NCAM2: variants seen among roughly 807,000 people sequenced by gnomAD.
The protein encoded by NCAM2 is neural cell adhesion molecule 2.
Under a neutral mutation model 98.1 loss-of-function variants are expected in NCAM2, and 30 were observed. That is an observed-to-expected ratio of 0.31 (90% CI 0.23 to 0.41). The LOEUF (loss-of-function observed/expected upper bound fraction) is 0.41. NCAM2 is among the 10% of genes least tolerant of loss of function. NCAM2 has a pLI of 1.00. For synonymous variants in NCAM2, 368 were observed against 342.4 expected, an observed-to-expected ratio of 1.07 and a Z score of -0.83; for missense variants, 867 against 1,005.8, an observed-to-expected ratio of 0.86 and a Z score of 1.87.
At chr21:21,298,757 G>A (rs899231046) in intron 5 of NCAM2, among the ~76,000 whole-genome samples, 3 of 151,488 alleles carry the variant, frequency 2.0e-5, no homozygotes, top group African/African-American at 7.3e-5. Context: ...CTTTTACTCA[G>A]ATTTTCTAAG....
At chr21:21,307,136 G>T (rs1355388845) in intron 5 of NCAM2, among the ~76,000 whole-genome samples, 1 of 152,022 alleles carries the variant, frequency 6.6e-6, no homozygotes, top group East Asian at 1.9e-4. Context: ...TATTACTGAT[G>T]TAATTGGGTT....
At chr21:21,250,325 A>G (rs944393985) in intron 1 of NCAM2, among the ~76,000 whole-genome samples, 2 of 152,216 alleles carry the variant, frequency 1.3e-5, no homozygotes, top group Admixed American at 6.5e-5. Context: ...TACTTTACCT[A>G]TGAGTTTAAT....
At chr21:21,108,196 T>C (rs1164168870) in intron 1 of NCAM2, among the ~76,000 whole-genome samples, 4 of 152,084 alleles carry the variant, frequency 2.6e-5, no homozygotes, top group African/African-American at 9.6e-5. Context: ...TAACTAAATA[T>C]TTGAAAAATG....
chr21:21,181,790 ACAATATTTATCACCAT>A (rs538706780), intron 1 of NCAM2, among the ~76,000 whole-genome samples: 237 of 151,884 alleles, frequency 1.6e-3, no homozygotes, highest in African/African-American at 5.4e-3. Context: ...TTTTTCCTGC[ACAATATTTATCACCAT>A]CAGACAGATC....
intron 1 of NCAM2, among the ~76,000 whole-genome samples, chr21:21,000,840 T>G: frequency 6.6e-6 from 1 of 152,206 alleles, no homozygotes; most frequent in Non-Finnish European, 1.5e-5. Context: ...TAGTGTTTTG[T>G]TCTCTAATTA....
At chr21:21,490,532 A>G (rs185040628) in intron 15 of NCAM2, among the ~76,000 whole-genome samples, 30 of 152,076 alleles carry the variant, frequency 2.0e-4, no homozygotes, top group Admixed American at 1.8e-3. Context: ...AATGCATAAT[A>G]ATGAGACACA....
At chr21:21,209,764 G>A (rs889778679) in intron 1 of NCAM2, among the ~76,000 whole-genome samples, 1 of 152,186 alleles carries the variant, frequency 6.6e-6, no homozygotes, top group Non-Finnish European at 1.5e-5. Context: ...TACAATGGCT[G>A]AGTAGTGTCC....
intron 9 of NCAM2, among the ~76,000 whole-genome samples, chr21:21,405,919 G>T (rs1282032592): frequency 6.6e-6 from 1 of 152,074 alleles, no homozygotes; most frequent in Non-Finnish European, 1.5e-5. Flanking sequence ...TAAATTAACT[G>T]TAGCTTTTTA....
chr21:21,404,716 T>A (rs1183067914), intron 9 of NCAM2, among the ~76,000 whole-genome samples: 1 of 151,808 alleles, frequency 6.6e-6, no homozygotes, highest in Non-Finnish European at 1.5e-5. Flanking sequence ...ATATATGCCA[T>A]TAAATGTATA....
chr21:21,333,933 T>C (rs951115687), intron 6 of NCAM2, among the ~76,000 whole-genome samples: 4 of 152,032 alleles, frequency 2.6e-5, no homozygotes, highest in African/African-American at 9.7e-5. Context: ...CAAAAATATA[T>C]ATAAAAGATA....
intron 1 of NCAM2, among the ~76,000 whole-genome samples, chr21:21,129,677 G>A (rs898023305): frequency 3.3e-5 from 5 of 152,040 alleles, no homozygotes; most frequent in East Asian, 1.9e-4. Context: ...GCTCACTGTC[G>A]CCTCTTTTGT....
intron 9 of NCAM2, among the ~76,000 whole-genome samples, chr21:21,386,419 T>C (rs113078861): frequency 0.017 from 2,574 of 152,288 alleles, 32 homozygotes; most frequent in Non-Finnish European, 0.026. Context: ...AGAAGATGGC[T>C]CATTTGCAGA....
At chr21:21,355,560 AGAAGGAAG>A (rs576381683) in intron 8 of NCAM2, among the ~76,000 whole-genome samples, 3 of 149,936 alleles carry the variant, frequency 2.0e-5, no homozygotes, top group Admixed American at 6.7e-5. Flanking sequence ...GACGGAGGAA[AGAAGGAAG>A]GAAGGAAGGA....
rs752343419 is a variant in NCAM2 at position 21,460,157 on chromosome 21, G to A, written c.1655-6449G>A. On this transcript the variant is annotated intron_variant, in intron 12 of 17. Coordinates refer to ENST00000400546, the MANE Select transcript of NCAM2 (RefSeq NM_004540.5). ...TTTCTTATTTATCATTTTTATTTTT[G>A]TTTGTATTGAATGTTTTATTGGGAG... is the stretch of plus-strand genomic sequence containing the variant. 2.3e-3 allele frequency among the ~76,000 whole-genome samples: 344 copies of A among 151,708 alleles called. 2 individuals are homozygous for A. The highest frequency in any genetic ancestry group is 3.3e-3 in the Non-Finnish European group (221 of 67,778).
At chr21:21,172,865 A>G (rs1483238331) in intron 1 of NCAM2, among the ~76,000 whole-genome samples, 2 of 152,180 alleles carry the variant, frequency 1.3e-5, no homozygotes, top group Admixed American at 6.5e-5. Context: ...TTCCAAATGT[A>G]TATTTTATAA....
chr21:21,055,469 T>C (rs1356900848), intron 1 of NCAM2, among the ~76,000 whole-genome samples: 2 of 152,090 alleles, frequency 1.3e-5, no homozygotes, highest in African/African-American at 4.8e-5. Flanking sequence ...AATGTATTAA[T>C]AGGAGACTTT....
chr21:21,310,804 C>T (rs928009769), intron 5 of NCAM2, among the ~76,000 whole-genome samples: 18 of 152,130 alleles, frequency 1.2e-4, no homozygotes, highest in African/African-American at 4.1e-4. Context: ...CCCCAAATCA[C>T]TCTCTAATCC....
chr21:21,274,232 A>G (rs1442652827), intron 1 of NCAM2, among the ~76,000 whole-genome samples: 1 of 152,146 alleles, frequency 6.6e-6, no homozygotes, highest in Non-Finnish European at 1.5e-5. Flanking sequence ...TAGCAGGGAC[A>G]TCTATTTTCC....
intron 1 of NCAM2, among the ~76,000 whole-genome samples, chr21:21,064,075 A>G (rs2065381243): frequency 6.6e-6 from 1 of 152,158 alleles, no homozygotes. Context: ...AAGTAGAAGG[A>G]GCAGAGTGTG....
Sources: gnomAD v4.1 joint callset for allele counts (sites outside exome capture counted in the v4.1 genomes callset) on GRCh38, gnomAD v4.1.1 for gene constraint, MANE v1.5 for transcripts, NCBI Gene and HGNC (gene_info 2026-07-23, HGNC 2026-07-21) for gene names.